The following DLGAP2 variants were observed in gnomAD, a reference collection of about 807,000 sequenced individuals.
DLGAP2 encodes the protein DLG associated protein 2.
Under a neutral mutation model 100.3 loss-of-function variants are expected in DLGAP2, and 26 were observed. The ratio of observed to expected loss-of-function variants is 0.26; its 90% CI spans 0.19 to 0.36. The LOEUF is 0.36. Among genes scored for constraint, DLGAP2 ranks in the 10% least tolerant of loss-of-function variants. DLGAP2 has a pLI of 1.00. For missense variants in DLGAP2, 1,858 were observed against 1,453.2 expected (o/e 1.28, Z -4.53); for synonymous variants, 886 against 630.1 (o/e 1.41, Z -6.08).
At position 1,617,109 on chromosome 8, in the gene DLGAP2, C is replaced by T. The variant is rs960920341; in HGVS notation, c.1443-9631C>T. On this transcript the variant is annotated intron_variant, in intron 6 of 14. Coordinates refer to ENST00000637795, the MANE Select transcript of DLGAP2 (RefSeq NM_001346810.2). ...ATAGTATTCCACGGTGTACATGCACCACATTTTCTTTATCTGTCTACCATT... is the reference window on the plus strand; with the variant it reads ...ATAGTATTCCACGGTGTACATGCACTACATTTTCTTTATCTGTCTACCATT... Among the ~76,000 whole-genome samples the T allele has an allele frequency of 2.0e-5, 3 of 151,592 alleles. No homozygotes were observed. The East Asian group carries it at 5.8e-4, about 29-fold the overall frequency.
intron 2 of DLGAP2, among the ~76,000 whole-genome samples, chr8:1,198,834 G>T (rs1211536501): frequency 6.6e-6 from 1 of 152,246 alleles, no homozygotes. Flanking sequence ...TCCTGGGCTA[G>T]GCATTGGTCT....
intron 2 of DLGAP2, among the ~76,000 whole-genome samples, chr8:1,179,801 C>T (rs972662921): frequency 6.6e-6 from 1 of 152,060 alleles, no homozygotes; most frequent in African/African-American, 2.4e-5. Flanking sequence ...TTTTAGGGTT[C>T]ACGGCATACC....
intron 3 of DLGAP2, among the ~76,000 whole-genome samples, chr8:1,265,169 G>C (rs754197203): frequency 6.6e-6 from 1 of 152,146 alleles, no homozygotes; most frequent in Non-Finnish European, 1.5e-5. Flanking sequence ...AGAAGTAATA[G>C]ACTTGCCTAG....
intron 1 of DLGAP2, among the ~76,000 whole-genome samples, chr8:786,046 G>A (rs1462319186): frequency 1.3e-5 from 2 of 152,228 alleles, no homozygotes; most frequent in South Asian, 2.1e-4. Context: ...CGTCAGGAAT[G>A]CCCAGACCAG....
intron 3 of DLGAP2, among the ~76,000 whole-genome samples, chr8:1,426,862 C>T (rs940428271): frequency 5.9e-5 from 9 of 151,904 alleles, no homozygotes; most frequent in African/African-American, 2.4e-5. Context: ...ACCTTCTATT[C>T]TACCTGAAAG....
chr8:1,042,806 T>G (rs1585006963), intron 2 of DLGAP2, among the ~76,000 whole-genome samples: 1 of 84,702 alleles, frequency 1.2e-5, no homozygotes, highest in Non-Finnish European at 2.3e-5. Context: ...GTGGTGGGTG[T>G]GGGTGGTGGA....
At chr8:876,405 A>G (rs1233656860) in intron 1 of DLGAP2, among the ~76,000 whole-genome samples, 5 of 152,176 alleles carry the variant, frequency 3.3e-5, no homozygotes, top group African/African-American at 1.2e-4. Context: ...TGGATACAGC[A>G]TTCGTGATAG....
intron 2 of DLGAP2, among the ~76,000 whole-genome samples, chr8:1,201,961 G>C (rs1210023540): frequency 9.5e-6 from 1 of 105,172 alleles, no homozygotes; most frequent in Non-Finnish European, 2.3e-5. Flanking sequence ...TACACATGTG[G>C]TGTGTACAGT....
At chr8:1,214,199 T>A (rs1344192011) in intron 2 of DLGAP2, among the ~76,000 whole-genome samples, 1 of 152,140 alleles carries the variant, frequency 6.6e-6, no homozygotes, top group East Asian at 1.9e-4. Context: ...CAGGTGTCTT[T>A]TATTCTTCAA....
At position 1,344,528 on chromosome 8, in the gene DLGAP2, A is replaced by T. The variant is rs116915600; in HGVS notation, c.106+85645A>T. ...GTTTCCCTATCTGTAAAATCGGAAT[A>T]TTCACATTTTCTCCATAAGGATGTC... is the stretch of plus-strand genomic sequence containing the variant. On this transcript the variant is annotated intron_variant, in intron 3 of 14. Transcript: ENST00000637795. Among the ~76,000 whole-genome samples the T allele has an allele frequency of 4.9e-3, 743 of 152,278 alleles. 5 individuals are homozygous for T. The highest frequency in any genetic ancestry group is 0.017 in the Middle Eastern group (5 of 294).
chr8:1,201,099 C>T (rs1486922609), intron 2 of DLGAP2, among the ~76,000 whole-genome samples: 3 of 152,198 alleles, frequency 2.0e-5, no homozygotes, highest in African/African-American at 7.2e-5. Flanking sequence ...GGGGAGGCTG[C>T]TCCCCGTCCC....
chr8:1,270,762 C>T (rs1468029282), intron 3 of DLGAP2, among the ~76,000 whole-genome samples: 1 of 150,630 alleles, frequency 6.6e-6, no homozygotes, highest in South Asian at 2.1e-4. Context: ...CTACCTCTCT[C>T]TGTGTGTCTC....
intron 2 of DLGAP2, among the ~76,000 whole-genome samples, chr8:1,051,621 C>G (rs923777736): frequency 6.6e-6 from 1 of 152,190 alleles, no homozygotes; most frequent in East Asian, 1.9e-4. Context: ...AGAGCATTTT[C>G]TGGGGTCTTA....
intron 2 of DLGAP2, among the ~76,000 whole-genome samples, chr8:946,549 C>T (rs1344498519): frequency 6.6e-6 from 1 of 152,202 alleles, no homozygotes; most frequent in Admixed American, 6.5e-5. Context: ...AGGCGTGAGC[C>T]ACCGCGCCCG....
chr8:786,881 A>T (rs1327830233), intron 1 of DLGAP2, among the ~76,000 whole-genome samples: 1 of 152,076 alleles, frequency 6.6e-6, no homozygotes, highest in Non-Finnish European at 1.5e-5. Flanking sequence ...GTGATTTGAA[A>T]GAGCCTTCAG....
intron 2 of DLGAP2, among the ~76,000 whole-genome samples, chr8:971,039 G>A (rs1406740319): frequency 1.3e-5 from 2 of 152,162 alleles, no homozygotes; most frequent in African/African-American, 2.4e-5. Context: ...GTTCAGATCA[G>A]GATCTTAAAT....
chr8:1,477,677 G>A (rs1584940939), intron 3 of DLGAP2, among the ~76,000 whole-genome samples: 3 of 152,026 alleles, frequency 2.0e-5, no homozygotes, highest in South Asian at 4.2e-4. Flanking sequence ...AAAGTAGCTC[G>A]CTTATTTACT....
intron 1 of DLGAP2, among the ~76,000 whole-genome samples, chr8:906,543 G>A (rs1054518799): frequency 2.6e-5 from 4 of 152,242 alleles, no homozygotes; most frequent in Admixed American, 6.5e-5. Flanking sequence ...GAGTGTGTGT[G>A]TGTGTTCTTG....
chr8:1,688,000 G>C lies in DLGAP2; in HGVS notation c.2705-3535G>C, dbSNP rs139512084. Among the ~76,000 whole-genome samples the C allele has an allele frequency of 2.0e-3, 306 of 152,182 alleles. 1 individual carries two copies. Among genetic ancestry groups the C allele is most frequent in the African/African-American group, 6.7e-3 (280 of 41,528 alleles). ...CTCCCCTCGTCATCAGCGAGTCCAG[G>C]GCTGCAGAACACGTTCATTTTGGGG... On this transcript the variant is annotated intron_variant, in intron 12 of 14. Coordinates refer to ENST00000637795, the MANE Select transcript of DLGAP2 (RefSeq NM_001346810.2).
Sources: allele counts gnomAD v4.1 joint callset (sites outside exome capture counted in the v4.1 genomes callset), GRCh38; gene constraint gnomAD v4.1.1; transcripts MANE v1.5; gene names NCBI Gene and HGNC (gene_info 2026-07-23, HGNC 2026-07-21).